Variants in CHSY3 observed in about 807,000 individuals in gnomAD.
CHSY3 encodes the protein chondroitin sulfate synthase 3, also known as N-acetylgalactosaminyl-proteoglycan 3-beta-glucuronosyltransferase 3.
In CHSY3, 35 loss-of-function variants were observed where a neutral mutation model predicts 67.2. That is an observed-to-expected ratio of 0.52 (90% confidence interval 0.40 to 0.69). The LOEUF is 0.69. Ranked by LOEUF, CHSY3 falls within the 30% of genes least tolerant of loss-of-function variation. CHSY3 has a pLI of 0.00. For missense variants in CHSY3, 1,069 were observed against 1,138.5 expected (o/e 0.94, Z 0.88); for synonymous variants, 474 against 434.7 (o/e 1.09, Z -1.12).
At chr5:130,147,434 T>C (rs1341870866) in intron 2 of CHSY3, among the ~76,000 whole-genome samples, 1 of 152,190 alleles carries the variant, frequency 6.6e-6, no homozygotes, top group Non-Finnish European at 1.5e-5. Flanking sequence ...AATTGAGTCA[T>C]AGAAAGATTA....
intron 2 of CHSY3, among the ~76,000 whole-genome samples, chr5:130,003,732 T>C (rs190694699): frequency 1.3e-5 from 2 of 152,308 alleles, no homozygotes; most frequent in East Asian, 3.9e-4. Flanking sequence ...TTTGAGACCC[T>C]GTGGTCTATC....
chr5:129,914,498 T>A (rs1760675048), intron 2 of CHSY3, among the ~76,000 whole-genome samples: 1 of 152,364 alleles, frequency 6.6e-6, no homozygotes, highest in Non-Finnish European at 1.5e-5. Context: ...TGAAAAAGTA[T>A]AAGACAGGGA....
chr5:130,001,308 A>G (rs963327457), intron 2 of CHSY3: 2 of 267,000 alleles, frequency 7.5e-6, no homozygotes, highest in Non-Finnish European at 1.2e-5. Flanking sequence ...GTCATGATTC[A>G]TGATGCAAAA....
In CHSY3 at chr5:130,185,374, C is replaced by G. The variant is rs1249226929; in HGVS notation, c.2232C>G (p.Pro744=). 1 of 1,606,716 alleles carries G rather than the reference C, an allele frequency of 6.2e-7. No individual in the cohort carries two copies. Among genetic ancestry groups the G allele is most frequent in the Admixed American group, 1.7e-5 (1 of 59,990 alleles). The change falls in exon 3 of 3, where the codon CCC becomes CCG. Residue 744 remains proline (P), a synonymous_variant. Transcript: ENST00000305031. ...TTCAGGGACAACAGGTGTACTATCC[C>G]ATCATCTTTAGCCAGTATGACCCAA... is the stretch of plus-strand genomic sequence containing the variant. ...NTIQGQQVYY[P]IIFSQYDPKV... is the part of the protein sequence containing the mutation.
At chr5:130,001,144 T>C (rs1020386834) in intron 2 of CHSY3, among the ~76,000 whole-genome samples, 4 of 152,044 alleles carry the variant, frequency 2.6e-5, no homozygotes, top group African/African-American at 9.7e-5. Context: ...CCTCCCAAAG[T>C]GCTGGAAAAC....
intron 2 of CHSY3, among the ~76,000 whole-genome samples, chr5:130,162,495 A>G (rs2149728917): frequency 6.6e-6 from 1 of 152,216 alleles, no homozygotes; most frequent in Non-Finnish European, 1.5e-5. Context: ...TCCTTTCTGT[A>G]AAGCCATACA....
intron 2 of CHSY3, among the ~76,000 whole-genome samples, chr5:129,943,261 A>G (rs981402946): frequency 6.6e-6 from 1 of 152,198 alleles, no homozygotes; most frequent in African/African-American, 2.4e-5. Context: ...TACTGTGAGA[A>G]AGGTTTTGCA....
intron 2 of CHSY3, among the ~76,000 whole-genome samples, chr5:130,006,171 C>T (rs1398232102): frequency 6.6e-6 from 1 of 152,048 alleles, no homozygotes; most frequent in African/African-American, 2.4e-5. Context: ...TTGCATAGAA[C>T]CTTGTTTCAA....
chr5:130,069,252 A>G (rs9285916), intron 2 of CHSY3, among the ~76,000 whole-genome samples: 21,113 of 151,978 alleles, frequency 0.14, 1,918 homozygotes, highest in East Asian at 0.25. Flanking sequence ...AAGCTATAAG[A>G]CTATGTAAAC....
At chr5:130,003,368 A>G (rs1330240999) in intron 2 of CHSY3, among the ~76,000 whole-genome samples, 2 of 152,164 alleles carry the variant, frequency 1.3e-5, no homozygotes, top group East Asian at 3.8e-4. Context: ...TTTGGGGTTT[A>G]TTATGGTCAG....
chr5:129,941,833 C>A, intron 2 of CHSY3, among the ~76,000 whole-genome samples: 1 of 152,142 alleles, frequency 6.6e-6, no homozygotes, highest in East Asian at 1.9e-4. Flanking sequence ...AGTCAAAAGT[C>A]CAGACCTCTG....
chr5:130,010,805 C>T (rs1454646861), intron 2 of CHSY3, among the ~76,000 whole-genome samples: 1 of 151,992 alleles, frequency 6.6e-6, no homozygotes, highest in Middle Eastern at 3.2e-3. Context: ...TACCACCAAC[C>T]CACAGAAACA....
At chr5:129,972,647 T>G (rs901633700) in intron 2 of CHSY3, among the ~76,000 whole-genome samples, 1 of 151,622 alleles carries the variant, frequency 6.6e-6, no homozygotes, top group African/African-American at 2.4e-5. Flanking sequence ...TGTGTCTTCA[T>G]GAATATGGAA....
At chr5:129,965,715 A>G (rs1315487467) in intron 2 of CHSY3, among the ~76,000 whole-genome samples, 1 of 151,920 alleles carries the variant, frequency 6.6e-6, no homozygotes, top group African/African-American at 2.4e-5. Context: ...GTCTTTTCAC[A>G]TTTGTCAAAC....
chr5:129,966,460 G>A (rs1762470749), intron 2 of CHSY3, among the ~76,000 whole-genome samples: 2 of 151,748 alleles, frequency 1.3e-5, no homozygotes, highest in African/African-American at 4.8e-5. Context: ...TGGGGGCAAT[G>A]TAAGATCCAT....
intron 2 of CHSY3, among the ~76,000 whole-genome samples, chr5:130,091,146 G>GCGCACGCA (rs1554082166): frequency 6.7e-6 from 1 of 149,440 alleles, no homozygotes; most frequent in African/African-American, 2.5e-5. Context: ...GCACACGCGC[G>GCGCACGCA]CACACACACA....
intron 2 of CHSY3, among the ~76,000 whole-genome samples, chr5:130,172,962 A>G (rs911105308): frequency 6.6e-6 from 1 of 152,222 alleles, no homozygotes; most frequent in Non-Finnish European, 1.5e-5. Context: ...AAGATTTTTA[A>G]AACTTACTTT....
intron 2 of CHSY3, among the ~76,000 whole-genome samples, chr5:130,056,458 G>T (rs1445625623): frequency 6.6e-6 from 1 of 152,092 alleles, no homozygotes; most frequent in Non-Finnish European, 1.5e-5. Context: ...AAATATAGTC[G>T]TGATTTGTAA....
chr5:130,090,117 A>C (rs995496775), intron 2 of CHSY3, among the ~76,000 whole-genome samples: 4 of 152,098 alleles, frequency 2.6e-5, no homozygotes, highest in African/African-American at 9.7e-5. Flanking sequence ...TAAAAAATTC[A>C]AAGTTTCTGT....
Sources: gnomAD v4.1 joint callset for allele counts (sites outside exome capture counted in the v4.1 genomes callset) on GRCh38, gnomAD v4.1.1 for gene constraint, MANE v1.5 for transcripts, NCBI Gene and HGNC (gene_info 2026-07-23, HGNC 2026-07-21) for gene names.